Variants in MAP3K13 observed in about 807,000 individuals in gnomAD.
MAP3K13 encodes mitogen-activated protein kinase kinase kinase 13, also known as leucine zipper-bearing kinase.
A neutral mutation model predicts 104.0 loss-of-function variants in MAP3K13; 52 were observed. The observed-to-expected ratio is 0.50, with a 90% confidence interval of 0.40 to 0.63. The LOEUF is 0.63. MAP3K13 is among the 20% of genes least tolerant of loss of function. The pLI is 0.00. For synonymous variants in MAP3K13, 394 were observed against 442.2 expected (o/e 0.89, Z 1.37); for missense variants, 914 against 1,218.5 (o/e 0.75, Z 3.72).
At chr3:185,474,547 C>G (rs1244279450) in intron 11 of MAP3K13, among the ~76,000 whole-genome samples, 1 of 152,160 alleles carries the variant, frequency 6.6e-6, no homozygotes, top group Admixed American at 6.6e-5. Context: ...ACTTGTTTAA[C>G]CGAGCATTTC....
At chr3:185,293,780 G>A (rs1400922050) in intron 2 of MAP3K13, among the ~76,000 whole-genome samples, 1 of 152,126 alleles carries the variant, frequency 6.6e-6, no homozygotes, top group Non-Finnish European at 1.5e-5. Context: ...TACACATTTG[G>A]ATTCCTAGGA....
chr3:185,438,320 A>T (rs2148889689), intron 3 of MAP3K13, among the ~76,000 whole-genome samples: 1 of 151,754 alleles, frequency 6.6e-6, no homozygotes, highest in Non-Finnish European at 1.5e-5. Flanking sequence ...GAAGAAAGAA[A>T]GAAAGAAAGA....
chr3:185,366,217 A>G (rs1723882735), intron 1 of MAP3K13, among the ~76,000 whole-genome samples: 2 of 151,754 alleles, frequency 1.3e-5, no homozygotes, highest in Admixed American at 1.3e-4. Flanking sequence ...TTTTGTAACT[A>G]GCTTATTTCA....
Position 185,463,539 on chromosome 3 carries a change from T to C in MAP3K13, c.1279-11T>C. Reference sequence around the variant, plus strand: ...CTGGAATTTATCAAAATCTAATTTGTCCTTACCCAGGCTGAATGGAGAGAA... The same window carrying C: ...CTGGAATTTATCAAAATCTAATTTGCCCTTACCCAGGCTGAATGGAGAGAA... On this transcript the variant is annotated splice_polypyrimidine_tract_variant and intron_variant, in intron 7 of 13. Transcript: ENST00000265026. The C allele has an allele frequency of 6.6e-7, 1 of 1,505,018 alleles. No homozygotes were observed. Among genetic ancestry groups the C allele is most frequent in the Non-Finnish European group, 9.2e-7 (1 of 1,082,388 alleles). The allele number at this position is 1,505,018 out of a possible 1,614,324, so 93.2% of individuals were successfully genotyped here.
intron 2 of MAP3K13, among the ~76,000 whole-genome samples, chr3:185,316,658 G>A (rs1464384183): frequency 6.6e-6 from 1 of 152,034 alleles, no homozygotes; most frequent in African/African-American, 2.4e-5. Flanking sequence ...CAGTTTTTTT[G>A]TTTTGCTGAC....
chr3:185,414,088 G>C (rs1375701624), intron 1 of MAP3K13, among the ~76,000 whole-genome samples: 1 of 152,104 alleles, frequency 6.6e-6, no homozygotes, highest in African/African-American at 2.4e-5. Context: ...AGTGGAACTG[G>C]GTTCAATTCC....
At chr3:185,469,202 TCA>T (rs1355427551) in intron 10 of MAP3K13, among the ~76,000 whole-genome samples, 1 of 152,170 alleles carries the variant, frequency 6.6e-6, no homozygotes, top group Middle Eastern at 3.2e-3. Flanking sequence ...AGCCCAGGTT[TCA>T]GTTTATGTTT....
chr3:185,309,176 G>A lies in MAP3K13; in HGVS notation c.-86+23533G>A, dbSNP rs567864752. 3.3e-5 allele frequency among the ~76,000 whole-genome samples: 5 copies of A among 152,086 alleles called. No individual in the cohort carries two copies. The South Asian group carries it at 6.2e-4, about 19-fold the overall frequency. On this transcript the variant is annotated intron_variant, in intron 2 of 14. Coordinates refer to the MAP3K13 transcript ENST00000424227. ...TTAGGGCTTTAACTTATCTTTTAGG[G>A]GTACATAACTGAACCTACAATAACT... is the stretch of plus-strand genomic sequence containing the variant.
chr3:185,371,120 C>T (rs1354611790), intron 1 of MAP3K13, among the ~76,000 whole-genome samples: 1 of 151,220 alleles, frequency 6.6e-6, no homozygotes, highest in Admixed American at 6.6e-5. Flanking sequence ...ACAAGTTGGT[C>T]GATAGATTGG....
intron 2 of MAP3K13, among the ~76,000 whole-genome samples, chr3:185,327,076 A>G (rs557449319): frequency 6.6e-6 from 1 of 152,334 alleles, no homozygotes; most frequent in East Asian, 1.9e-4. Flanking sequence ...CATGGGTCTC[A>G]CTAGGCTAAA....
intron 1 of MAP3K13, among the ~76,000 whole-genome samples, chr3:185,421,695 A>G (rs1413490338): frequency 6.6e-6 from 1 of 152,184 alleles, no homozygotes; most frequent in Non-Finnish European, 1.5e-5. Flanking sequence ...AGGGTACCTG[A>G]GCCAGATTTG....
At chr3:185,404,958 T>C (rs1299102880) in intron 1 of MAP3K13, among the ~76,000 whole-genome samples, 1 of 152,226 alleles carries the variant, frequency 6.6e-6, no homozygotes, top group African/African-American at 2.4e-5. Flanking sequence ...TTTCATTTTT[T>C]AGTTTGTACT....
intron 7 of MAP3K13, among the ~76,000 whole-genome samples, chr3:185,457,701 C>T (rs1716848136): frequency 6.6e-6 from 1 of 152,168 alleles, no homozygotes; most frequent in Admixed American, 6.5e-5. Flanking sequence ...TCTTCTTCTT[C>T]CACATTTTTC....
intron 2 of MAP3K13, among the ~76,000 whole-genome samples, chr3:185,287,218 C>T (rs1356568385): frequency 6.6e-6 from 1 of 152,094 alleles, no homozygotes; most frequent in African/African-American, 2.4e-5. Flanking sequence ...TGTTTGCAAG[C>T]TAGGTTAGTA....
At chr3:185,442,549 T>C (rs74357209) in intron 3 of MAP3K13, among the ~76,000 whole-genome samples, 1 of 151,566 alleles carries the variant, frequency 6.6e-6, no homozygotes, top group Admixed American at 6.6e-5. Flanking sequence ...TTTTTTTTTT[T>C]CTGAGACAGA....
At chr3:185,401,280 T>A (rs1712798585) in intron 1 of MAP3K13, among the ~76,000 whole-genome samples, 1 of 152,232 alleles carries the variant, frequency 6.6e-6, no homozygotes, top group Non-Finnish European at 1.5e-5. Context: ...TACCCTCTAA[T>A]TGCCAAAATG....
chr3:185,474,825 G>A (rs1451590626), intron 11 of MAP3K13, among the ~76,000 whole-genome samples: 7 of 152,102 alleles, frequency 4.6e-5, no homozygotes, highest in East Asian at 1.9e-4. Flanking sequence ...GGCCAGGCAC[G>A]GTGGCTCATG....
intron 4 of MAP3K13, among the ~76,000 whole-genome samples, chr3:185,446,405 G>A (rs1335799436): frequency 1.3e-5 from 2 of 151,946 alleles, no homozygotes. Flanking sequence ...ACAAGCGCCC[G>A]CCACCACGCT....
intron 2 of MAP3K13, among the ~76,000 whole-genome samples, chr3:185,286,238 G>A (rs917039458): frequency 1.3e-5 from 2 of 151,186 alleles, no homozygotes; most frequent in Admixed American, 1.3e-4. Context: ...CTCCCATTTT[G>A]CCTTTTTTAA....
Sources: gnomAD v4.1 joint callset for allele counts (sites outside exome capture counted in the v4.1 genomes callset) on GRCh38, gnomAD v4.1.1 for gene constraint, MANE v1.5 for transcripts, NCBI Gene and HGNC (gene_info 2026-07-23, HGNC 2026-07-21) for gene names.